The following LVRN variants were observed in gnomAD, a reference collection of about 807,000 sequenced individuals.
LVRN encodes the protein laeverin.
A neutral mutation model predicts 111.4 loss-of-function variants in LVRN; 99 were observed. The observed-to-expected ratio is 0.89, with a 90% CI of 0.76 to 1.05. LVRN has a LOEUF of 1.05. Ranked by LOEUF, LVRN falls within the 50% of genes least tolerant of loss-of-function variation. The pLI is 0.00. For missense variants in LVRN, 1,414 were observed against 1,206.8 expected, an observed-to-expected ratio of 1.17 and a Z score of -2.54; for synonymous variants, 488 against 449.5, an observed-to-expected ratio of 1.09 and a Z score of -1.08.
chr5:115,964,666 T>C (rs1233174213), intron 1 of LVRN, among the ~76,000 whole-genome samples: 1 of 152,078 alleles, frequency 6.6e-6, no homozygotes, highest in Non-Finnish European at 1.5e-5. Context: ...CTTGGTCCTG[T>C]TTCAGTGGGG....
In LVRN at chr5:115,963,120, A is replaced by G. The variant is rs1412096762; in HGVS notation, c.503A>G (p.Asn168Ser). The change falls in exon 1 of 20, where the codon AAC becomes AGC. Residue 168 changes from asparagine to serine, a missense_variant. Transcript: ENST00000357872. ...VRGPLSPGTG[N>S]ATVGRVPVDD... ...GGACCCCTTTCCCCGGGCACTGGGA[A>G]CGCCACAGTGGGCCGCGTGCCCGTG... is the stretch of plus-strand genomic sequence containing the variant. 1.2e-6 allele frequency: 2 copies of G among 1,613,478 alleles called. No homozygotes were observed. The highest frequency in any genetic ancestry group is 1.7e-6 in the Non-Finnish European group (2 of 1,179,930).
chr5:115,982,789 G>A (rs1747738601), intron 1 of LVRN, among the ~76,000 whole-genome samples: 1 of 152,020 alleles, frequency 6.6e-6, no homozygotes, highest in Non-Finnish European at 1.5e-5. Context: ...TACCCATATT[G>A]TTTACTCCCA....
Position 116,025,889 on chromosome 5 carries a change from A to G in LVRN, c.2833-89A>G. The stretch of plus-strand genomic sequence containing the variant: ...TTCCAACCATCATCACCAATTTACA[A>G]ACTCATGTTGCTACTTAGCATTTAG... On this transcript the variant is annotated intron_variant, in intron 19 of 19. Coordinates refer to ENST00000357872, the MANE Select transcript of LVRN (RefSeq NM_173800.5). The G allele has an allele frequency of 2.0e-6, 3 of 1,531,306 alleles. No homozygotes were observed. In the Admixed American group the frequency reaches 5.5e-5, roughly 28 times the overall value. 94.9% of individuals were successfully genotyped at this position (1,531,306 alleles called of 1,614,324 possible). A position where few individuals can be genotyped will look rare whatever the true frequency, so the allele number is the denominator to read the frequency against.
chr5:115,993,761 C>T lies in LVRN; in HGVS notation c.1281C>T (p.Thr427=), dbSNP rs369618913. Reference sequence around the variant, plus strand: ...AAAAGTGGTTTGGAAACTTGGTTACCATGAATTGGTGGAACAATATCTGGC... The same window carrying T: ...AAAAGTGGTTTGGAAACTTGGTTACTATGAATTGGTGGAACAATATCTGGC... The part of the protein sequence containing the change: ...IGHQWFGNLV[T]MNWWNNIWLN... Residue 427 remains threonine (T), a synonymous_variant, in exon 6 of 20, where the codon ACC becomes ACT. Coordinates refer to ENST00000357872, the MANE Select transcript of LVRN (RefSeq NM_173800.5). 5.6e-5 allele frequency: 90 copies of T among 1,605,866 alleles called. No individual in the cohort carries two copies. The highest frequency in any genetic ancestry group is 7.4e-5 in the Non-Finnish European group (87 of 1,177,826).
At chr5:116,000,385 G>T in intron 7 of LVRN, 48 bp from the exon 8 acceptor site, 1 of 1,585,510 alleles carries the variant, frequency 6.3e-7, no homozygotes. Context: ...GTGTCAGTAT[G>T]TGGATATTGA....
intron 1 of LVRN, among the ~76,000 whole-genome samples, chr5:115,964,191 G>A (rs1459346785): frequency 1.3e-5 from 2 of 152,088 alleles, no homozygotes; most frequent in Non-Finnish European, 2.9e-5. Context: ...TCCAACCGGC[G>A]ATCTCTTTGT....
intron 1 of LVRN, among the ~76,000 whole-genome samples, chr5:115,972,312 G>A (rs1037912415): frequency 3.3e-5 from 5 of 151,728 alleles, no homozygotes; most frequent in Non-Finnish European, 7.4e-5. Context: ...TATATATCTT[G>A]CACATATTTT....
intron 14 of LVRN, 62 bp downstream of exon 14, chr5:116,010,956 A>T (rs1001429956): frequency 7.3e-7 from 1 of 1,370,978 alleles, no homozygotes; most frequent in African/African-American, 1.5e-5. Context: ...TTCATATTTT[A>T]GCCAGCATCT....
Position 115,987,941 on chromosome 5 carries a change from T to G in LVRN, c.1105+2T>G, listed in dbSNP as rs781610058. On this transcript the variant is annotated splice_donor_variant, in intron 4 of 19. Transcript: ENST00000357872. LOFTEE classifies it high-confidence loss of function. ...TCAGTTACTCTCTTCCAAAAACAGG[T>G]GAGGTAATCTTTTCCTTTCAGTGCA... 2 of 1,607,686 alleles carry G rather than the reference T, an allele frequency of 1.2e-6. No homozygotes were observed. The highest frequency in any genetic ancestry group is 1.7e-6 in the Non-Finnish European group (2 of 1,178,126).
rs749181366 is a variant in LVRN, at chr5:115,962,986, G to A, written c.369G>A (p.Gly123=). ...TGAGGCCCGACGAGCTTCCGGCCGG[G>A]TCTTTGCCCTTCACTGGCCGCGTGA... ...PQLRPDELPA[G]SLPFTGRVNI... The change falls in exon 1 of 20, where the codon GGG becomes GGA. Residue 123 remains glycine, a synonymous_variant. Coordinates refer to ENST00000357872, the MANE Select transcript of LVRN (RefSeq NM_173800.5). 3.6e-4 allele frequency: 576 copies of A among 1,613,556 alleles called. 6 individuals are homozygous for A. The Middle Eastern group carries it at 8.9e-3, about 25-fold the overall frequency.
At chr5:115,981,345 C>A (rs1170855469) in intron 1 of LVRN, among the ~76,000 whole-genome samples, 1 of 152,078 alleles carries the variant, frequency 6.6e-6, no homozygotes, top group Non-Finnish European at 1.5e-5. Flanking sequence ...AGATACATAA[C>A]CTCTCATTTC....
rs2112577947 is a variant in LVRN, at chr5:115,987,900, G to A, written c.1066G>A (p.Glu356Lys). 3.7e-6 allele frequency: 6 copies of A among 1,613,128 alleles called. No homozygotes were observed. The highest frequency in any genetic ancestry group is 5.1e-6 in the Non-Finnish European group (6 of 1,179,582). Reference protein sequence around the residue: ...NITGPIFSFLEDLFNISYSLP... With the variant: ...NITGPIFSFLKDLFNISYSLP... ...CACAGGTCCCATCTTCTCTTTTCTG[G>A]AGGATTTGTTTAATATCAGTTACTC... The change falls in exon 4 of 20, where the codon GAG (glutamate) becomes AAG (lysine). Residue 356 changes from glutamate to lysine, a missense_variant. Glu to Lys is a moderately conservative substitution (Grantham distance 56). Transcript: ENST00000357872.
chr5:115,999,016 G>A (rs569979843), intron 6 of LVRN, among the ~76,000 whole-genome samples: 5 of 152,312 alleles, frequency 3.3e-5, no homozygotes, highest in Non-Finnish European at 7.4e-5. Flanking sequence ...GTAGGGACTT[G>A]AGGGTTCCCG....
At position 115,963,266 on chromosome 5, in the gene LVRN, AG is replaced by A. The variant is rs1342781177; in HGVS notation, c.652del (p.Glu218ArgfsTer18). 4 of 1,612,640 alleles carry A rather than the reference AG, an allele frequency of 2.5e-6. No homozygotes were observed. In the African/African-American group the frequency reaches 5.3e-5, roughly 21 times the overall value. ...SFSGLVKEDL[R>X]EGLFLNVYTD... ...CTCGGGCCTGGTGAAGGAAGACCTC[AG>A]GGAGGGACTCTTCCTCAACGTCTAC... On this transcript the variant is annotated frameshift_variant, in exon 1 of 20. Transcript: ENST00000357872. LOFTEE classifies it high-confidence loss of function.
At chr5:116,021,653 G>C (rs1248626618) in intron 18 of LVRN, 3 of 415,384 alleles carry the variant, frequency 7.2e-6, no homozygotes, top group South Asian at 5.5e-5. Flanking sequence ...ACTGTCTCTT[G>C]GTCAGTCCAT....
At chr5:115,964,471 G>A (rs911314255) in intron 1 of LVRN, among the ~76,000 whole-genome samples, 1 of 152,122 alleles carries the variant, frequency 6.6e-6, no homozygotes, top group Admixed American at 6.5e-5. Context: ...TGAAAAAATA[G>A]TTTTGAAATT....
intron 14 of LVRN, 123 bp downstream of exon 14, chr5:116,011,017 A>ATCTTTTCTTCTTTGTTTGT: frequency 2.3e-5 from 7 of 308,152 alleles, no homozygotes; most frequent in Non-Finnish European, 2.7e-5. Context: ...ATATATATAT[A>ATCTTTTCTTCTTTGTTTGT]TATATATATG....
In LVRN at chr5:115,962,656, C is replaced by T. The variant is rs749598779; in HGVS notation, c.39C>T (p.Arg13=). 4 of 1,608,492 alleles carry T rather than the reference C, an allele frequency of 2.5e-6. No homozygotes were observed. The East Asian group carries it at 8.9e-5, about 36-fold the overall frequency. Residue 13 remains arginine, a synonymous_variant, in exon 1 of 20, where the codon CGC becomes CGT. Transcript: ENST00000357872. ...PPSSSGFYVS[R]AVALLLAGLV... ...CCAGCTCAGGCTTCTATGTGAGCCG[C>T]GCAGTGGCCCTGCTGCTGGCTGGGC...
intron 13 of LVRN, among the ~76,000 whole-genome samples, chr5:116,010,331 C>T (rs1748458582): frequency 6.6e-6 from 1 of 152,166 alleles, no homozygotes; most frequent in Non-Finnish European, 1.5e-5. Context: ...ACAGAATCCA[C>T]AATATCTCTG....
Sources: gnomAD v4.1 joint callset for allele counts (sites outside exome capture counted in the v4.1 genomes callset) on GRCh38, gnomAD v4.1.1 for gene constraint, MANE v1.5 for transcripts, NCBI Gene and HGNC (gene_info 2026-07-23, HGNC 2026-07-21) for gene names.